Variants in STK32B observed in about 807,000 individuals in gnomAD.
The protein encoded by STK32B is serine/threonine kinase 32B.
In STK32B, 43 loss-of-function variants were observed where a neutral mutation model predicts 52.6. The observed-to-expected ratio is 0.82, with a 90% CI of 0.64 to 1.05. The LOEUF (loss-of-function observed/expected upper bound fraction) is 1.05. Among genes scored for constraint, STK32B ranks in the 50% least tolerant of loss-of-function variants. STK32B has a pLI of 0.00. For missense variants in STK32B, 621 were observed against 534.6 expected, an observed-to-expected ratio of 1.16 and a Z score of -1.59; for synonymous variants, 238 against 204.3, an observed-to-expected ratio of 1.17 and a Z score of -1.41.
intron 3 of STK32B, among the ~76,000 whole-genome samples, chr4:5,262,794 T>A (rs958170273): frequency 6.6e-6 from 1 of 152,212 alleles, no homozygotes; most frequent in Non-Finnish European, 1.5e-5. Context: ...ACCATTATAA[T>A]CATTGCAGAG....
chr4:5,436,714 G>T (rs1577494419), intron 6 of STK32B: 1 of 968,876 alleles, frequency 1.0e-6, no homozygotes, highest in South Asian at 4.8e-5. Flanking sequence ...GAATATCACT[G>T]TGACAGTCAT....
chr4:5,390,338 G>T (rs563462966), intron 4 of STK32B, among the ~76,000 whole-genome samples: 6 of 152,166 alleles, frequency 3.9e-5, no homozygotes, highest in African/African-American at 1.4e-4. Context: ...AGTGTCCATC[G>T]ACAGGAGCTG....
chr4:5,139,380 C>A (rs1716268643), intron 1 of STK32B, among the ~76,000 whole-genome samples: 1 of 152,124 alleles, frequency 6.6e-6, no homozygotes. Flanking sequence ...AGAGCCACTG[C>A]CAATTAGGTG....
chr4:5,092,835 T>C (rs1441049542), intron 1 of STK32B, among the ~76,000 whole-genome samples: 1 of 152,008 alleles, frequency 6.6e-6, no homozygotes, highest in Non-Finnish European at 1.5e-5. Context: ...CCTCCAACAA[T>C]GGGAATTTCA....
At chr4:5,198,459 T>G (rs1306580967) in intron 3 of STK32B, among the ~76,000 whole-genome samples, 1 of 152,184 alleles carries the variant, frequency 6.6e-6, no homozygotes, top group East Asian at 1.9e-4. Flanking sequence ...TTCAGAGGAT[T>G]AATGGTCATT....
intron 4 of STK32B, among the ~76,000 whole-genome samples, chr4:5,342,808 C>T (rs116644885): frequency 0.029 from 4,438 of 152,238 alleles, 87 homozygotes; most frequent in Non-Finnish European, 0.045. Flanking sequence ...ATAGTAAGTG[C>T]TTTAGAACTA....
At position 5,491,352 on chromosome 4, in the gene STK32B, G is replaced by C. The variant is rs111881688; in HGVS notation, c.1107-7593G>C. Among the ~76,000 whole-genome samples the C allele has an allele frequency of 1.1e-3, 160 of 152,256 alleles. 1 individual carries two copies. The highest frequency in any genetic ancestry group is 3.8e-3 in the African/African-American group (156 of 41,552). ...AGTGATGGTGAGCATTTTTTCATGT[G>C]TTTTTTGGCTGCATAAATGTCTTCT... is the stretch of plus-strand genomic sequence containing the variant. On this transcript the variant is annotated intron_variant, in intron 11 of 11. Coordinates refer to ENST00000282908, the MANE Select transcript of STK32B (RefSeq NM_018401.3).
At chr4:5,146,501 G>T (rs1459597883) in intron 2 of STK32B, among the ~76,000 whole-genome samples, 1 of 152,172 alleles carries the variant, frequency 6.6e-6, no homozygotes, top group Non-Finnish European at 1.5e-5. Flanking sequence ...GCTTTTTCTA[G>T]CTGGACTGGC....
In STK32B at chr4:5,222,793, C is replaced by T. The variant is rs114164320; in HGVS notation, c.260+54343C>T. The stretch of plus-strand genomic sequence containing the variant: ...AGAATGTAAAGATTTGGAAAATTCT[C>T]AGCCTGGCCATGTATACAGTAAAAA... On this transcript the variant is annotated intron_variant, in intron 3 of 11. Transcript: ENST00000282908. 7.6e-3 allele frequency among the ~76,000 whole-genome samples: 1,163 copies of T among 152,302 alleles called. 9 individuals are homozygous for T. Among genetic ancestry groups the T allele is most frequent in the Non-Finnish European group, 0.013 (904 of 68,038 alleles).
chr4:5,123,366 A>T (rs903938665), intron 1 of STK32B, among the ~76,000 whole-genome samples: 1 of 152,046 alleles, frequency 6.6e-6, no homozygotes, highest in African/African-American at 2.4e-5. Flanking sequence ...ACAAATGAGG[A>T]TTGAAGGAGT....
At chr4:5,070,959 C>T (rs1205586269) in intron 1 of STK32B, among the ~76,000 whole-genome samples, 1 of 152,108 alleles carries the variant, frequency 6.6e-6, no homozygotes, top group African/African-American at 2.4e-5. Context: ...AGCGTATAAC[C>T]TCTGCTCCTG....
chr4:5,405,446 A>G lies in STK32B; in HGVS notation c.472+7202A>G, dbSNP rs549380590. On this transcript the variant is annotated intron_variant, in intron 5 of 11. Transcript: ENST00000282908. ...AATGTTTGTGTCCCCACAAAATTCA[A>G]AGGTTGAAACTGTAATCCCCAAGGT... 6.6e-5 allele frequency among the ~76,000 whole-genome samples: 10 copies of G among 152,280 alleles called. 1 individual carries two copies. The South Asian group carries it at 1.7e-3, about 25-fold the overall frequency.
chr4:5,057,228 G>A (rs1742040882), intron 1 of STK32B, among the ~76,000 whole-genome samples: 2 of 152,316 alleles, frequency 1.3e-5, no homozygotes, highest in African/African-American at 2.4e-5. Context: ...TAAGGTCATT[G>A]GAGACTATGC....
At chr4:5,167,090 C>G (rs1404082033) in intron 2 of STK32B, among the ~76,000 whole-genome samples, 2 of 152,184 alleles carry the variant, frequency 1.3e-5, no homozygotes, top group Admixed American at 6.5e-5. Context: ...CCCTTTCCCT[C>G]AAAGCCTCTT....
At chr4:5,359,161 T>C (rs28565180) in intron 4 of STK32B, among the ~76,000 whole-genome samples, 1,717 of 152,298 alleles carry the variant, frequency 0.011, 20 homozygotes, top group South Asian at 0.058. Context: ...TAAAGTCAGA[T>C]TGGGGTTAAG....
In STK32B at chr4:5,073,550, A is replaced by G. The variant is rs991272673; in HGVS notation, c.52+21635A>G. Among the ~76,000 whole-genome samples, 5 of 152,104 alleles carry G rather than the reference A, an allele frequency of 3.3e-5. No homozygotes were observed. The East Asian group carries it at 9.6e-4, about 29-fold the overall frequency. On this transcript the variant is annotated intron_variant, in intron 1 of 11. Transcript: ENST00000282908. ...AAAGAAAAATGTTTTGTATTTACCC[A>G]TGTATATAACGTTTCCAGTGCTCTT...
chr4:5,085,366 C>T (rs1712674470), intron 1 of STK32B, among the ~76,000 whole-genome samples: 1 of 152,114 alleles, frequency 6.6e-6, no homozygotes, highest in Admixed American at 6.6e-5. Context: ...ATAGGATTGA[C>T]AATATAGCAT....
At chr4:5,341,923 G>A (rs1733108081) in intron 4 of STK32B, among the ~76,000 whole-genome samples, 1 of 152,108 alleles carries the variant, frequency 6.6e-6, no homozygotes, top group Non-Finnish European at 1.5e-5. Context: ...GTATACATGT[G>A]CCATGTTGGT....
chr4:5,106,028 TGTG>T (rs967890146), intron 1 of STK32B, among the ~76,000 whole-genome samples: 15 of 151,592 alleles, frequency 9.9e-5, no homozygotes, highest in African/African-American at 3.6e-4. Flanking sequence ...CTTGGCCAGG[TGTG>T]GTGGCTCATT....
Sources: allele counts gnomAD v4.1 joint callset (sites outside exome capture counted in the v4.1 genomes callset), GRCh38; gene constraint gnomAD v4.1.1; transcripts MANE v1.5; gene names NCBI Gene and HGNC (gene_info 2026-07-23, HGNC 2026-07-21).